The following IQGAP1 variants were observed in gnomAD, a reference collection of about 807,000 sequenced individuals.
IQGAP1 encodes the protein IQ motif containing GTPase activating protein 1, also known as ras GTPase-activating-like protein IQGAP1.
In IQGAP1, 66 loss-of-function variants were observed where a neutral mutation model predicts 215.6. The observed-to-expected ratio is 0.31, with a 90% CI of 0.25 to 0.38. The LOEUF (loss-of-function observed/expected upper bound fraction) is 0.38. Ranked by LOEUF, IQGAP1 falls within the 10% of genes least tolerant of loss-of-function variation. The probability of loss-of-function intolerance (pLI) is 1.00; values close to 1 mark genes in which losing one functional copy is unlikely to be tolerated. For missense variants in IQGAP1, 1,712 were observed against 1,997.1 expected (o/e 0.86, Z 2.72); for synonymous variants, 772 against 728.7 (o/e 1.06, Z -0.96).
intron 9 of IQGAP1, 133 bp from the exon 10 acceptor site, chr15:90,448,440 G>T: frequency 1.4e-6 from 1 of 735,614 alleles, no homozygotes; most frequent in Non-Finnish European, 2.1e-6. Context: ...TTATGCTTCT[G>T]AGAATCACAG....
chr15:90,404,049 C>T (rs183538494), intron 2 of IQGAP1, among the ~76,000 whole-genome samples: 179 of 152,238 alleles, frequency 1.2e-3, no homozygotes, highest in Middle Eastern at 6.8e-3. Context: ...TTTTAGTTTT[C>T]GGTTTTGAAG....
chr15:90,492,835 TTTA>T, intron 35 of IQGAP1, 124 bp downstream of exon 35: 1 of 717,886 alleles, frequency 1.4e-6, no homozygotes, highest in Non-Finnish European at 2.2e-6. Context: ...GCATTAGTCT[TTTA>T]TTTTACCTCT....
chr15:90,501,727 T>C lies in IQGAP1; in HGVS notation c.*1619T>C, dbSNP rs1243598428. Reference sequence around the variant, plus strand: ...GGAAGACAGGTTTTTTAAAGAAACATTTTCCTCAGATTAAAAGATGATGCT... The same window carrying C: ...GGAAGACAGGTTTTTTAAAGAAACACTTTCCTCAGATTAAAAGATGATGCT... On this transcript the variant is annotated 3_prime_UTR_variant, in exon 38 of 38. Transcript: ENST00000268182. 2 of 152,154 alleles carry C rather than the reference T, an allele frequency of 1.3e-5. No homozygotes were observed. The highest frequency in any genetic ancestry group is 6.5e-5 in the Admixed American group (1 of 15,270). The allele number at this position is 152,154 out of a possible 1,614,324, so 9.4% of individuals were successfully genotyped here.
At chr15:90,431,794 G>A (rs1015131628) in intron 4 of IQGAP1, among the ~76,000 whole-genome samples, 6 of 152,128 alleles carry the variant, frequency 3.9e-5, no homozygotes, top group African/African-American at 1.4e-4. Flanking sequence ...CGTATATGGT[G>A]TTTATTGGGA....
intron 28 of IQGAP1, 142 bp from the exon 29 acceptor site, chr15:90,483,219 A>G (rs1472821702): frequency 9.7e-6 from 6 of 619,564 alleles, no homozygotes; most frequent in African/African-American, 1.8e-5. Context: ...GTATATGTGC[A>G]TGCATGCGTG....
intron 19 of IQGAP1, 197 bp downstream of exon 19, chr15:90,473,207 G>A: frequency 1.8e-6 from 1 of 554,964 alleles, no homozygotes; most frequent in South Asian, 2.3e-5. Context: ...TGGCACAGTG[G>A]CAGTTCTTGG....
At chr15:90,423,219 T>C (rs141292817) in intron 2 of IQGAP1, among the ~76,000 whole-genome samples, 174 of 152,270 alleles carry the variant, frequency 1.1e-3, no homozygotes, top group Middle Eastern at 6.8e-3. Flanking sequence ...GCACTTTACT[T>C]TTCAAAGCAG....
At chr15:90,394,569 G>A (rs192485039) in intron 2 of IQGAP1, among the ~76,000 whole-genome samples, 9 of 152,234 alleles carry the variant, frequency 5.9e-5, no homozygotes, top group African/African-American at 1.4e-4. Context: ...CTCCTACCTT[G>A]GTGAACCGGC....
chr15:90,497,068 G>A, intron 36 of IQGAP1, 164 bp from the exon 37 acceptor site: 1 of 551,694 alleles, frequency 1.8e-6, no homozygotes, highest in Non-Finnish European at 3.3e-6. Flanking sequence ...ATGGTACTTG[G>A]GCTTGGCAAT....
chr15:90,454,229 A>G (rs1567131822), intron 13 of IQGAP1, among the ~76,000 whole-genome samples, 199 bp from the exon 14 acceptor site: 3 of 152,196 alleles, frequency 2.0e-5, no homozygotes, highest in Non-Finnish European at 4.4e-5. Flanking sequence ...TAGTCTTAAC[A>G]TGGAATTTAG....
In IQGAP1 at chr15:90,407,922, A is replaced by G. The variant is rs183558628; in HGVS notation, c.155+17049A>G. Among the ~76,000 whole-genome samples the G allele has an allele frequency of 4.6e-5, 7 of 152,368 alleles. 1 individual carries two copies. In the East Asian group the frequency reaches 1.3e-3, roughly 29 times the overall value. On this transcript the variant is annotated intron_variant, in intron 2 of 37. Transcript: ENST00000268182. ...GCATAAACATTTGAAAAGTTACCCAACATCAGAGAATGAGAGGTCTCAGTG... is the reference window on the plus strand; with the variant it reads ...GCATAAACATTTGAAAAGTTACCCAGCATCAGAGAATGAGAGGTCTCAGTG...
At chr15:90,421,428 A>C (rs1779614526) in intron 2 of IQGAP1, among the ~76,000 whole-genome samples, 1 of 151,724 alleles carries the variant, frequency 6.6e-6, no homozygotes. Flanking sequence ...GTGAGCTGAC[A>C]TCATGCCACT....
chr15:90,459,334 A>T (rs1039797637), intron 15 of IQGAP1, among the ~76,000 whole-genome samples: 3 of 152,246 alleles, frequency 2.0e-5, no homozygotes, highest in Non-Finnish European at 2.9e-5. Context: ...GGTAGCGGGT[A>T]AGACAAACAT....
rs200047604 is a variant in IQGAP1, at chr15:90,452,770, C to T, written c.1163-5C>T. 6.2e-7 allele frequency: 1 copy of T among 1,613,234 alleles called. No homozygotes were observed. The highest frequency in any genetic ancestry group is 1.7e-5 in the Admixed American group (1 of 59,902). On this transcript the variant is annotated splice_polypyrimidine_tract_variant and splice_region_variant and intron_variant, in intron 11 of 37. Transcript: ENST00000268182. ...CTGCGTTTCTGACTCCTGTTTTTTA[C>T]ACAGGATTGGCAGCAGTAGCACTGA...
At chr15:90,433,628 C>A in intron 4 of IQGAP1, 91 bp from the exon 5 acceptor site, 1 of 764,760 alleles carries the variant, frequency 1.3e-6, no homozygotes. Flanking sequence ...TTCTAACTGT[C>A]CATAGTTTGA....
intron 2 of IQGAP1, among the ~76,000 whole-genome samples, chr15:90,409,603 G>A (rs1397543143): frequency 6.6e-6 from 1 of 152,078 alleles, no homozygotes; most frequent in Non-Finnish European, 1.5e-5. Flanking sequence ...TCGAACTTAC[G>A]AACTCAAGTG....
At position 90,453,108 on chromosome 15, in the gene IQGAP1, T is replaced by C. The variant is rs774642381; in HGVS notation, c.1327-24T>C. 3.2e-6 allele frequency: 5 copies of C among 1,585,386 alleles called. No individual in the cohort carries two copies. The African/African-American group carries it at 6.8e-5, about 21-fold the overall frequency. ...TGGAGAATGTCTTTCCTCACTGTTT[T>C]CCCTTCTGTCCCTTTCTGTACAGCA... On this transcript the variant is annotated intron_variant, in intron 12 of 37. Coordinates refer to ENST00000268182, the MANE Select transcript of IQGAP1 (RefSeq NM_003870.4).
Position 90,433,630 on chromosome 15 carries a change from A to G in IQGAP1, c.391-89A>G, listed in dbSNP as rs534746859. 216 of 785,226 alleles carry G rather than the reference A, an allele frequency of 2.8e-4. 4 individuals are homozygous for G. Among genetic ancestry groups the G allele is most frequent in the South Asian group, 1.8e-3 (109 of 59,350 alleles). The allele number at this position is 785,226 out of a possible 1,614,324, so 48.6% of individuals were successfully genotyped here. A position where few individuals can be genotyped will look rare whatever the true frequency, so the allele number is the denominator to read the frequency against. On this transcript the variant is annotated intron_variant, in intron 4 of 37. Transcript: ENST00000268182. ...TGCCACCGATGTTTTCTAACTGTCCATAGTTTGATTTGGATTATTGATGAT... is the reference window on the plus strand; with the variant it reads ...TGCCACCGATGTTTTCTAACTGTCCGTAGTTTGATTTGGATTATTGATGAT...
Position 90,466,561 on chromosome 15 carries a change from T to TGTA in IQGAP1, c.2035+125_2035+126insGTA. On this transcript the variant is annotated intron_variant, in intron 17 of 37. Coordinates refer to ENST00000268182, the MANE Select transcript of IQGAP1 (RefSeq NM_003870.4). The stretch of plus-strand genomic sequence containing the variant: ...TAGCATAGATGTACAGTACTTAGGC[T>TGTA]CATTTTAAAGGAGATAAAATCCCTA... 4.5e-6 allele frequency: 4 copies of TGTA among 884,422 alleles called. No individual in the cohort carries two copies. The South Asian group carries it at 7.0e-5, about 15-fold the overall frequency. 54.8% of individuals were successfully genotyped at this position (884,422 alleles called of 1,614,324 possible).
Sources: allele counts gnomAD v4.1 joint callset (sites outside exome capture counted in the v4.1 genomes callset), GRCh38; gene constraint gnomAD v4.1.1; transcripts MANE v1.5; gene names NCBI Gene and HGNC (gene_info 2026-07-23, HGNC 2026-07-21).